The following FGD4 variants were observed in gnomAD, a reference collection of about 807,000 sequenced individuals.
The protein encoded by FGD4 is FYVE, RhoGEF and PH domain-containing protein 4.
Under a neutral mutation model 102.0 loss-of-function variants are expected in FGD4, and 42 were observed. The observed-to-expected ratio is 0.41, with a 90% confidence interval of 0.32 to 0.53. The LOEUF is 0.53. Among genes scored for constraint, FGD4 ranks in the 20% least tolerant of loss-of-function variants. FGD4 has a pLI of 0.21. For missense variants in FGD4, 902 were observed against 1,078.2 expected (o/e 0.84, Z 2.29); for synonymous variants, 380 against 375.7 (o/e 1.01, Z -0.13).
intron 1 of FGD4, among the ~76,000 whole-genome samples, chr12:32,548,869 A>G (rs180899986): frequency 6.6e-6 from 1 of 152,334 alleles, no homozygotes; most frequent in Admixed American, 6.5e-5. Context: ...GTTTGGGTTC[A>G]TGATTTCAAA....
chr12:32,640,210 G>C, intron 16 of FGD4, 66 bp from the exon 17 acceptor site: 1 of 1,612,164 alleles, frequency 6.2e-7, no homozygotes, highest in Non-Finnish European at 8.5e-7. Context: ...GGTTTAGTAG[G>C]AGCAAGGGAC....
At chr12:32,465,771 T>C (rs1943238175) in intron 1 of FGD4, among the ~76,000 whole-genome samples, 1 of 152,034 alleles carries the variant, frequency 6.6e-6, no homozygotes, top group East Asian at 1.9e-4. Flanking sequence ...TGTGTGTGTG[T>C]GTATTTGTGC....
chr12:32,504,166 A>G (rs1456606164), intron 1 of FGD4, among the ~76,000 whole-genome samples: 1 of 152,224 alleles, frequency 6.6e-6, no homozygotes, highest in African/African-American at 2.4e-5. Flanking sequence ...CAGAGTAATA[A>G]GTAATAAAAC....
chr12:32,567,775 C>A (rs1945315241), intron 2 of FGD4, among the ~76,000 whole-genome samples: 1 of 151,666 alleles, frequency 6.6e-6, no homozygotes, highest in African/African-American at 2.4e-5. Context: ...GCGGCCTCCC[C>A]TTCCCAGGTT....
chr12:32,591,722 G>GC (rs1185393900), intron 4 of FGD4, among the ~76,000 whole-genome samples: 1 of 152,194 alleles, frequency 6.6e-6, no homozygotes, highest in Non-Finnish European at 1.5e-5. Flanking sequence ...GAACAGAGCT[G>GC]CAGGATCTGG....
intron 1 of FGD4, among the ~76,000 whole-genome samples, chr12:32,469,142 A>G (rs1296051505): frequency 6.6e-6 from 1 of 151,996 alleles, no homozygotes; most frequent in Admixed American, 6.6e-5. Context: ...GGTGGTTTCT[A>G]TCGGATTTTT....
chr12:32,472,645 C>T (rs988098747), intron 1 of FGD4, among the ~76,000 whole-genome samples: 7 of 152,234 alleles, frequency 4.6e-5, no homozygotes, highest in African/African-American at 1.7e-4. Context: ...GGCGCCCAGT[C>T]CCATCGATCA....
chr12:32,419,879 C>G (rs1014982473), intron 1 of FGD4, among the ~76,000 whole-genome samples: 2 of 152,024 alleles, frequency 1.3e-5, no homozygotes, highest in African/African-American at 2.4e-5. Flanking sequence ...AGCCTCCCAA[C>G]TGCTGTGCTG....
intron 1 of FGD4, among the ~76,000 whole-genome samples, chr12:32,472,858 G>A (rs926474795): frequency 6.6e-5 from 10 of 152,168 alleles, no homozygotes; most frequent in African/African-American, 2.4e-4. Flanking sequence ...TGCACCAATC[G>A]ACACTGTATC....
chr12:32,409,562 C>T (rs1353152981), intron 1 of FGD4, among the ~76,000 whole-genome samples: 1 of 151,946 alleles, frequency 6.6e-6, no homozygotes, highest in Non-Finnish European at 1.5e-5. Flanking sequence ...GCTGGGATTA[C>T]AGGTGTAAGC....
chr12:32,526,183 T>G (rs1941175449), intron 1 of FGD4, among the ~76,000 whole-genome samples: 1 of 152,226 alleles, frequency 6.6e-6, no homozygotes. Context: ...TCAGGGATTG[T>G]AAATACACCA....
Position 32,478,975 on chromosome 12 carries a change from A to C in FGD4, c.166+79016A>C, listed in dbSNP as rs1168021089. On this transcript the variant is annotated intron_variant, in intron 1 of 16. Coordinates refer to ENST00000534526, the MANE Select transcript of FGD4 (RefSeq NM_001370298.3). ...AACGATGCCCACACTGTTGGTTTCT[A>C]GAGATTATTTACTTCTGTATCTGCC... Among the ~76,000 whole-genome samples the C allele has an allele frequency of 9.9e-5, 15 of 152,220 alleles. 1 individual carries two copies. Among genetic ancestry groups the C allele is most frequent in the Non-Finnish European group, 1.5e-5 (1 of 68,038 alleles).
chr12:32,481,979 A>G (rs531324923), intron 1 of FGD4, among the ~76,000 whole-genome samples: 2 of 152,350 alleles, frequency 1.3e-5, no homozygotes, highest in Non-Finnish European at 2.9e-5. Flanking sequence ...TCTGCTTTAA[A>G]TAAAACCCTC....
At chr12:32,419,340 G>T (rs1941542906) in intron 1 of FGD4, among the ~76,000 whole-genome samples, 1 of 152,196 alleles carries the variant, frequency 6.6e-6, no homozygotes, top group African/African-American at 2.4e-5. Flanking sequence ...CAGTGCCTAT[G>T]GTATACTACC....
chr12:32,634,946 C>T (rs1185751493), intron 15 of FGD4, among the ~76,000 whole-genome samples: 1 of 151,922 alleles, frequency 6.6e-6, no homozygotes, highest in Non-Finnish European at 1.5e-5. Flanking sequence ...CAAGATTGCG[C>T]CACTGCACTC....
intron 1 of FGD4, among the ~76,000 whole-genome samples, chr12:32,533,714 C>T (rs918357476): frequency 1.3e-5 from 2 of 152,148 alleles, no homozygotes; most frequent in Non-Finnish European, 2.9e-5. Context: ...CGTTAGCCGC[C>T]GCGCCTGGCT....
chr12:32,536,744 ATGG>A (rs752736521), intron 1 of FGD4, among the ~76,000 whole-genome samples: 3 of 152,204 alleles, frequency 2.0e-5, no homozygotes, highest in Non-Finnish European at 2.9e-5. Flanking sequence ...GTCATTCTAC[ATGG>A]TGGTTATTAT....
At chr12:32,632,626 G>A (rs115054689) in intron 14 of FGD4, among the ~76,000 whole-genome samples, 2,834 of 152,154 alleles carry the variant, frequency 0.019, 75 homozygotes, top group African/African-American at 0.065. Context: ...AAGAGCAAAG[G>A]AAAGTCTGAA....
chr12:32,568,482 G>T (rs957193390), intron 2 of FGD4, among the ~76,000 whole-genome samples: 2 of 152,166 alleles, frequency 1.3e-5, no homozygotes, highest in Non-Finnish European at 2.9e-5. Context: ...CCTGTTTCCT[G>T]CCATGCTAGA....
Sources: allele counts gnomAD v4.1 joint callset (sites outside exome capture counted in the v4.1 genomes callset), GRCh38; gene constraint gnomAD v4.1.1; transcripts MANE v1.5; gene names NCBI Gene and HGNC (gene_info 2026-07-23, HGNC 2026-07-21).